Variants in MTAP observed in about 807,000 individuals in gnomAD.
The protein encoded by MTAP is methylthioadenosine phosphorylase.
MTAP carries 33 observed loss-of-function variants against 33.6 expected under a neutral mutation model. The ratio of observed to expected loss-of-function variants is 0.98; its 90% CI spans 0.74 to 1.31. MTAP has a LOEUF of 1.31. MTAP is among the 40% of genes most tolerant of loss of function. The pLI is 0.00. For missense variants in MTAP, 367 were observed against 360.0 expected (o/e 1.02, Z -0.16); for synonymous variants, 148 against 125.7 (o/e 1.18, Z -1.19).
chr9:21,851,396 T>G (rs775610263), intron 5 of MTAP, among the ~76,000 whole-genome samples: 12 of 152,222 alleles, frequency 7.9e-5, no homozygotes, highest in Non-Finnish European at 1.3e-4. Context: ...ATATCTTCAT[T>G]GTATTTTCTT....
chr9:21,875,350 A>T (rs939795383), intron 1 of MTAP, among the ~76,000 whole-genome samples: 5 of 152,078 alleles, frequency 3.3e-5, no homozygotes, highest in South Asian at 2.1e-4. Context: ...ATGACCAGTG[A>T]TGTTGAGCTT....
chr9:21,892,796 C>T (rs1323840467), intron 1 of MTAP: 1 of 152,222 alleles, frequency 6.6e-6, no homozygotes, highest in African/African-American at 2.4e-5. Flanking sequence ...ATCTGCAGCA[C>T]ACTCCACCCA....
chr9:21,933,881 G>T (rs1819001845), downstream of MTAP: 1 of 152,080 alleles, frequency 6.6e-6, no homozygotes, highest in East Asian at 1.9e-4. Flanking sequence ...TTGCCTTAAA[G>T]AAAAAGCACT....
intron 1 of MTAP, among the ~76,000 whole-genome samples, chr9:21,898,220 C>G (rs1272266150): frequency 6.6e-6 from 1 of 152,152 alleles, no homozygotes; most frequent in South Asian, 2.1e-4. Context: ...ACACCTTATG[C>G]AAAAATTAAT....
intron 1 of MTAP, among the ~76,000 whole-genome samples, chr9:21,889,266 A>G (rs979214761): frequency 6.6e-6 from 1 of 152,096 alleles, no homozygotes; most frequent in Non-Finnish European, 1.5e-5. Context: ...GTTTGAGCCT[A>G]TTGTTGAATT....
At chr9:21,914,268 A>G (rs1351466821) in intron 1 of MTAP, among the ~76,000 whole-genome samples, 1 of 152,214 alleles carries the variant, frequency 6.6e-6, no homozygotes, top group Non-Finnish European at 1.5e-5. Flanking sequence ...TGACGCAGCC[A>G]TCCAATTACT....
At position 21,818,133 on chromosome 9, in the gene MTAP, C is replaced by T. The variant is rs759117703; in HGVS notation, c.278C>T (p.Thr93Ile). ...GGCTGTACACATGTCATAGTGACCA[C>T]AGCTTGTGGCTCCTTGAGGGAGGAG... Reference protein sequence around the residue: ...EEGCTHVIVTTACGSLREEIQ... With the variant: ...EEGCTHVIVTIACGSLREEIQ... The change falls in exon 4 of 8, where the codon ACA becomes ATA. Residue 93 changes from threonine to isoleucine, a missense_variant. Transcript: ENST00000644715. The T allele has an allele frequency of 4.8e-5, 77 of 1,613,894 alleles. No homozygotes were observed. The highest frequency in any genetic ancestry group is 8.3e-5 in the Admixed American group (5 of 60,000).
At chr9:21,814,656 G>T (rs1469562650) in intron 1 of MTAP, among the ~76,000 whole-genome samples, 1 of 151,916 alleles carries the variant, frequency 6.6e-6, no homozygotes, top group African/African-American at 2.4e-5. Context: ...ACTCAGACAA[G>T]GACTTTCAAG....
At chr9:21,850,526 C>T (rs550991888) in intron 5 of MTAP, among the ~76,000 whole-genome samples, 146 of 152,326 alleles carry the variant, frequency 9.6e-4, no homozygotes, top group African/African-American at 3.3e-3. Flanking sequence ...CCAGCAAATC[C>T]AATGGTCCTT....
At chr9:21,876,365 A>C (rs139468266) in intron 1 of MTAP, among the ~76,000 whole-genome samples, 63 of 152,044 alleles carry the variant, frequency 4.1e-4, no homozygotes, top group Middle Eastern at 6.8e-3. Flanking sequence ...AGAAGCTCTT[A>C]AGTTTAATTA....
At chr9:21,885,400 G>C (rs1360871049) in intron 1 of MTAP, among the ~76,000 whole-genome samples, 1 of 152,188 alleles carries the variant, frequency 6.6e-6, no homozygotes, top group Non-Finnish European at 1.5e-5. Context: ...TTCTGATTCA[G>C]TAGGTCTGGG....
downstream of MTAP, chr9:21,931,559 G>A (rs75766023): frequency 3.9e-3 from 695 of 180,462 alleles, 12 homozygotes; most frequent in East Asian, 0.051. Context: ...CTCAAACATG[G>A]GCACTAAGAG....
At chr9:21,849,859 G>A (rs1825470369) in intron 5 of MTAP, among the ~76,000 whole-genome samples, 1 of 152,328 alleles carries the variant, frequency 6.6e-6, no homozygotes, top group Admixed American at 6.5e-5. Context: ...TTCATTGCTT[G>A]AGCAAATTAA....
rs1045674667 is a variant in MTAP at position 21,922,976 on chromosome 9, C to A, written c.148-8032C>A. On this transcript the variant is annotated intron_variant, in intron 1 of 1. Transcript: ENST00000577563. The surrounding 1 kb of genome is among the most constrained non-coding windows in gnomAD (Gnocchi z 4.8). ...TCTTTTTCCCCAAAACCCACACCAC[C>A]TATTCTCCTGTTTTCTCTGTGTGTG... Among the ~76,000 whole-genome samples the A allele has an allele frequency of 4.6e-5, 7 of 152,186 alleles. No homozygotes were observed. The highest frequency in any genetic ancestry group is 1.0e-4 in the Non-Finnish European group (7 of 68,022).
intron 1 of MTAP, among the ~76,000 whole-genome samples, chr9:21,905,378 GC>G (rs1018980141): frequency 1.3e-5 from 2 of 151,130 alleles, no homozygotes; most frequent in African/African-American, 2.4e-5. Flanking sequence ...GCATTTCCCT[GC>G]CCCCCTCCCT....
At chr9:21,869,241 A>G (rs2118632615), downstream of MTAP, among the ~76,000 whole-genome samples, 1 of 152,072 alleles carries the variant, frequency 6.6e-6, no homozygotes, top group African/African-American at 2.4e-5. Context: ...GTCTTTCCTT[A>G]GTCCTCTTCA....
chr9:21,829,045 C>G (rs931114133), intron 4 of MTAP, among the ~76,000 whole-genome samples: 6 of 152,158 alleles, frequency 3.9e-5, no homozygotes, highest in African/African-American at 1.4e-4. Flanking sequence ...CAGAAGATGC[C>G]TTGTGGTTAA....
At chr9:21,812,607 G>T (rs1448538950) in intron 1 of MTAP, among the ~76,000 whole-genome samples, 2 of 152,198 alleles carry the variant, frequency 1.3e-5, no homozygotes, top group East Asian at 1.9e-4. Flanking sequence ...TCTTGTCATT[G>T]TTTCCTGAGG....
intron 4 of MTAP, among the ~76,000 whole-genome samples, chr9:21,829,321 T>A (rs1824907225): frequency 1.3e-5 from 2 of 152,132 alleles, no homozygotes; most frequent in Admixed American, 1.3e-4. Flanking sequence ...CTTGACTCTG[T>A]TTGGCCCTGT....
Sources: allele counts gnomAD v4.1 joint callset (sites outside exome capture counted in the v4.1 genomes callset), GRCh38; gene constraint gnomAD v4.1.1; non-coding constraint Gnocchi (gnomAD v3.1); transcripts MANE v1.5; gene names NCBI Gene and HGNC (gene_info 2026-07-23, HGNC 2026-07-21).